Variants in ROBO2 observed in about 807,000 individuals in gnomAD.
ROBO2 encodes roundabout homolog 2.
ROBO2 carries 53 observed loss-of-function variants against 160.8 expected under a neutral mutation model. That is an observed-to-expected ratio of 0.33 (90% CI 0.26 to 0.41). The LOEUF is 0.41. Among genes scored for constraint, ROBO2 ranks in the 10% least tolerant of loss-of-function variants. The pLI is 1.00. For synonymous variants in ROBO2, 664 were observed against 611.7 expected, an observed-to-expected ratio of 1.09 and a Z score of -1.26; for missense variants, 1,577 against 1,722.4, an observed-to-expected ratio of 0.92 and a Z score of 1.49.
At chr3:77,036,820 T>C (rs2063663703), upstream of ROBO2, among the ~76,000 whole-genome samples, 1 of 152,026 alleles carries the variant, frequency 6.6e-6, no homozygotes, top group African/African-American at 2.4e-5. Context: ...GGCTTCATTG[T>C]TCTAAGCCAT....
chr3:76,208,229 A>G (rs928673912), intron 2 of ROBO2, among the ~76,000 whole-genome samples: 2 of 152,098 alleles, frequency 1.3e-5, no homozygotes, highest in African/African-American at 2.4e-5. Context: ...TGGTGCGAGG[A>G]TGGACTAATA....
intron 1 of ROBO2, among the ~76,000 whole-genome samples, chr3:77,046,113 G>A (rs1296962166): frequency 2.0e-5 from 3 of 152,148 alleles, no homozygotes; most frequent in South Asian, 4.1e-4. Flanking sequence ...TTTAACCTGG[G>A]ATGGAAATGC....
intron 2 of ROBO2, among the ~76,000 whole-genome samples, chr3:76,442,564 C>T (rs904177493): frequency 1.3e-5 from 2 of 152,150 alleles, no homozygotes; most frequent in African/African-American, 4.8e-5. Flanking sequence ...CACGGTTTCA[C>T]TTTCTGGTGT....
intron 2 of ROBO2, among the ~76,000 whole-genome samples, chr3:76,217,112 C>T (rs77405359): frequency 0.32 from 48,007 of 151,928 alleles, 8,922 homozygotes; most frequent in Non-Finnish European, 0.41. Flanking sequence ...TTGAAACCAA[C>T]GAGAACAAAG....
At chr3:77,443,529 T>C (rs898041383) in intron 2 of ROBO2, among the ~76,000 whole-genome samples, 4 of 152,140 alleles carry the variant, frequency 2.6e-5, no homozygotes, top group African/African-American at 9.7e-5. Context: ...AAAATAATAT[T>C]GAAGAATAAA....
intron 2 of ROBO2, among the ~76,000 whole-genome samples, chr3:75,942,677 A>T (rs1948110388): frequency 6.6e-6 from 1 of 152,190 alleles, no homozygotes; most frequent in African/African-American, 2.4e-5. Flanking sequence ...CCTACAAAAG[A>T]AGTCAACTAT....
chr3:76,983,441 AAAT>A (rs1395958058), intron 2 of ROBO2, among the ~76,000 whole-genome samples: 2 of 152,220 alleles, frequency 1.3e-5, no homozygotes, highest in Admixed American at 6.5e-5. Flanking sequence ...TCTCTAAACT[AAAT>A]AAAGGAATAA....
At chr3:76,434,989 G>C in intron 2 of ROBO2, 1 of 1,562,362 alleles carries the variant, frequency 6.4e-7, no homozygotes, top group Admixed American at 1.7e-5. Context: ...AAGAAGTGGA[G>C]AGTGGAAAAT....
At chr3:76,811,749 T>G (rs1347477045) in intron 2 of ROBO2, among the ~76,000 whole-genome samples, 1 of 151,660 alleles carries the variant, frequency 6.6e-6, no homozygotes, top group Admixed American at 6.6e-5. Flanking sequence ...GTCTGGCTTT[T>G]TGCTTAATTA....
chr3:77,118,671 A>G (rs1287937591), intron 2 of ROBO2, among the ~76,000 whole-genome samples: 1 of 152,210 alleles, frequency 6.6e-6, no homozygotes, highest in Non-Finnish European at 1.5e-5. Context: ...GAGCAGGTCA[A>G]CAGATATTTT....
At chr3:76,907,974 G>C (rs2075726903) in intron 2 of ROBO2, among the ~76,000 whole-genome samples, 1 of 151,772 alleles carries the variant, frequency 6.6e-6, no homozygotes, top group South Asian at 2.1e-4. Flanking sequence ...AGAGTAGCTG[G>C]GATTATAGGC....
intron 2 of ROBO2, among the ~76,000 whole-genome samples, chr3:76,048,606 C>A (rs931916646): frequency 1.3e-5 from 2 of 151,974 alleles, no homozygotes; most frequent in Admixed American, 6.6e-5. Context: ...TGGATTGTCA[C>A]ACTAGTTAAA....
intron 2 of ROBO2, among the ~76,000 whole-genome samples, chr3:77,099,832 A>T (rs1168158825): frequency 1.3e-5 from 2 of 152,154 alleles, no homozygotes; most frequent in African/African-American, 4.8e-5. Context: ...GATTCAGACA[A>T]TAAATTAATG....
At chr3:76,778,149 C>G (rs994502227) in intron 2 of ROBO2, among the ~76,000 whole-genome samples, 13 of 151,096 alleles carry the variant, frequency 8.6e-5, no homozygotes, top group Non-Finnish European at 1.3e-4. Flanking sequence ...CTGCTTCATT[C>G]TTCTCTTGTT....
intron 2 of ROBO2, among the ~76,000 whole-genome samples, chr3:76,921,309 A>G (rs1481003381): frequency 1.3e-5 from 2 of 152,190 alleles, no homozygotes; most frequent in Non-Finnish European, 2.9e-5. Flanking sequence ...GGGAAATTCC[A>G]TTATAAGGTA....
In ROBO2 at chr3:76,137,000, A is replaced by G. The variant is rs2071451521; in HGVS notation, c.109+199398A>G. Among the ~76,000 whole-genome samples, 3 of 152,036 alleles carry G rather than the reference A, an allele frequency of 2.0e-5. No individual in the cohort carries two copies. The South Asian group carries it at 6.2e-4, about 31-fold the overall frequency. ...TGGAGTATCTTTAACAATTAAAGGG[A>G]AAATGCAGAACCTTCAGATTTTGTG... On this transcript the variant is annotated intron_variant, in intron 2 of 26. Coordinates refer to the ROBO2 transcript ENST00000487694.
At chr3:77,125,228 T>A (rs114255978) in intron 2 of ROBO2, among the ~76,000 whole-genome samples, 1 of 152,134 alleles carries the variant, frequency 6.6e-6, no homozygotes, top group Non-Finnish European at 1.5e-5. Context: ...ATAGTTGTGG[T>A]CTGTCTGCAC....
intron 2 of ROBO2, among the ~76,000 whole-genome samples, chr3:77,304,202 A>G (rs754980427): frequency 2.6e-5 from 4 of 152,204 alleles, no homozygotes; most frequent in Non-Finnish European, 5.9e-5. Flanking sequence ...ATTGGAGCAG[A>G]GTAAATATCG....
intron 2 of ROBO2, among the ~76,000 whole-genome samples, chr3:76,527,196 T>C (rs2081992733): frequency 1.3e-5 from 2 of 152,122 alleles, no homozygotes; most frequent in African/African-American, 4.8e-5. Flanking sequence ...ATATTGCACG[T>C]AATCCTCACA....
Sources: gnomAD v4.1 joint callset for allele counts (sites outside exome capture counted in the v4.1 genomes callset) on GRCh38, gnomAD v4.1.1 for gene constraint, MANE v1.5 for transcripts, NCBI Gene and HGNC (gene_info 2026-07-23, HGNC 2026-07-21) for gene names.